The following MLLT10 variants were observed in gnomAD, a reference collection of about 807,000 sequenced individuals.
MLLT10 encodes protein AF-10.
Under a neutral mutation model 129.1 loss-of-function variants are expected in MLLT10, and 30 were observed. The ratio of observed to expected loss-of-function variants is 0.23; its 90% confidence interval spans 0.17 to 0.32. The LOEUF (loss-of-function observed/expected upper bound fraction) is 0.32. Among genes scored for constraint, MLLT10 ranks in the 10% least tolerant of loss-of-function variants. The probability of loss-of-function intolerance (pLI) is 1.00; values close to 1 mark genes in which losing one functional copy is unlikely to be tolerated. For missense variants in MLLT10, 1,119 were observed against 1,268.3 expected, an observed-to-expected ratio of 0.88 and a Z score of 1.79; for synonymous variants, 490 against 446.4, an observed-to-expected ratio of 1.10 and a Z score of -1.23.
At chr10:21,681,247 C>T in intron 11 of MLLT10, 85 bp from the exon 12 acceptor site, 1 of 1,549,402 alleles carries the variant, frequency 6.5e-7, no homozygotes. Flanking sequence ...GTGAATTTCC[C>T]TCCATTTTTC....
chr10:21,728,738 A>G lies in MLLT10; in HGVS notation c.2063+810A>G, dbSNP rs181117053. 5.2e-4 allele frequency among the ~76,000 whole-genome samples: 79 copies of G among 152,264 alleles called. No individual in the cohort carries two copies. The East Asian group carries it at 7.7e-3, about 15-fold the overall frequency. On this transcript the variant is annotated intron_variant, in intron 16 of 22. Coordinates refer to ENST00000307729, the MANE Select transcript of MLLT10 (RefSeq NM_001195626.3). ...AATGGGAGAAACGTGATTAAAAATG[A>G]AAACTTTGGTCAGGCGTGGTGGCTC...
chr10:21,640,667 C>T (rs2047917137), intron 8 of MLLT10, among the ~76,000 whole-genome samples: 1 of 152,122 alleles, frequency 6.6e-6, no homozygotes, highest in South Asian at 2.1e-4. Context: ...CTGACCTTTG[C>T]TTTCTGTCTT....
chr10:21,651,897 TCA>T, intron 9 of MLLT10, 129 bp downstream of exon 9: 4 of 296,922 alleles, frequency 1.3e-5, no homozygotes, highest in East Asian at 6.8e-5. Context: ...CTTAGAATTC[TCA>T]TTTCTTTTTT....
At chr10:21,652,881 G>A (rs568341690) in intron 9 of MLLT10, among the ~76,000 whole-genome samples, 8 of 152,152 alleles carry the variant, frequency 5.3e-5, no homozygotes, top group Admixed American at 1.3e-4. Flanking sequence ...ATCAGATTCT[G>A]AATACATACA....
intron 5 of MLLT10, among the ~76,000 whole-genome samples, chr10:21,608,241 T>C (rs1415881582): frequency 4.5e-4 from 68 of 151,840 alleles, no homozygotes; most frequent in Admixed American, 4.5e-3. Flanking sequence ...CGATAAAGGC[T>C]CAGTGCAGTT....
rs1196690923 is a variant in MLLT10, at chr10:21,670,515, C to G, written c.862C>G (p.Arg288Gly). Residue 288 changes from arginine to glycine, a missense_variant, in exon 10 of 23, where the codon CGA becomes GGA. Around this residue, in one of 5 missense-constraint regions of MLLT10, gnomAD observed 1,004 missense variants for 1,008.7 expected, o/e 1.00. Transcript: ENST00000307729. ...SLKRLEDTTA[R>G]FTNANFQEVS... ...GAAGCGCTTGGAAGATACTACTGCA[C>G]GATTTACAAATGCAAATTTCCAGGA... is the stretch of plus-strand genomic sequence containing the variant. 6.2e-7 allele frequency: 1 copy of G among 1,614,044 alleles called. No individual in the cohort carries two copies. Among genetic ancestry groups the G allele is most frequent in the Non-Finnish European group, 8.5e-7 (1 of 1,179,966 alleles).
Position 21,740,290 on chromosome 10 carries a change from C to T in MLLT10, c.3162+54C>T, listed in dbSNP as rs141742175. On this transcript the variant is annotated intron_variant, in intron 22 of 22. Coordinates refer to ENST00000307729, the MANE Select transcript of MLLT10 (RefSeq NM_001195626.3). ...TGAAACAAGAACTGTATTGATTAAT[C>T]GGAGATGATCATTTTCCAGCCTGGT... 5.8e-5 allele frequency: 89 copies of T among 1,547,236 alleles called. No homozygotes were observed. The African/African-American group carries it at 9.0e-4, about 16-fold the overall frequency.
In MLLT10 at chr10:21,538,906, C is replaced by T; in HGVS notation, c.234C>T (p.Ala78=). ...CRKCESQERA[A]RVRCELCPHK... Reference sequence around the variant, plus strand: ...AATGTGAATCTCAGGAGAGAGCAGCCAGAGTGGTAAGGACTATTTATCAAA... The same window carrying T: ...AATGTGAATCTCAGGAGAGAGCAGCTAGAGTGGTAAGGACTATTTATCAAA... The change falls in exon 3 of 23, where the codon GCC becomes GCT. Residue 78 remains alanine, a synonymous_variant. Coordinates refer to ENST00000307729, the MANE Select transcript of MLLT10 (RefSeq NM_001195626.3). The T allele has an allele frequency of 1.2e-6, 2 of 1,611,434 alleles. No individual in the cohort carries two copies. The highest frequency in any genetic ancestry group is 1.7e-6 in the Non-Finnish European group (2 of 1,177,740).
intron 3 of MLLT10, among the ~76,000 whole-genome samples, chr10:21,584,443 G>C (rs1159951806): frequency 2.6e-5 from 4 of 152,042 alleles, no homozygotes; most frequent in African/African-American, 4.8e-5. Context: ...GATTATAGGC[G>C]TGAGCCACCG....
At chr10:21,651,400 A>G (rs1376674031) in intron 8 of MLLT10, among the ~76,000 whole-genome samples, 4 of 152,140 alleles carry the variant, frequency 2.6e-5, no homozygotes, top group Non-Finnish European at 4.4e-5. Context: ...GAAAAAGTGT[A>G]TATTTTGCTG....
Position 21,551,012 on chromosome 10 carries a change from A to T in MLLT10, c.240+12100A>T, listed in dbSNP as rs12357761. Among the ~76,000 whole-genome samples, 654 of 148,898 alleles carry T rather than the reference A, an allele frequency of 4.4e-3. 4 individuals are homozygous for T. The highest frequency in any genetic ancestry group is 6.7e-3 in the Admixed American group (99 of 14,830). On this transcript the variant is annotated intron_variant, in intron 3 of 22. Transcript: ENST00000307729. ...TAGCTCACTGCAACCTCTGCCTCCC[A>T]GGTTCAAGTGTTCAGGTGATTCTCC...
At chr10:21,630,933 C>T (rs1001552934) in intron 8 of MLLT10, among the ~76,000 whole-genome samples, 9 of 152,154 alleles carry the variant, frequency 5.9e-5, no homozygotes, top group Admixed American at 5.9e-4. Flanking sequence ...CGCTAGCACA[C>T]CCACCCACTC....
At position 21,673,342 on chromosome 10, in the gene MLLT10, A is replaced by G; in HGVS notation, c.1052-8A>G. 1.1e-6 allele frequency: 1 copy of G among 926,608 alleles called. No homozygotes were observed. Among genetic ancestry groups the G allele is most frequent in the Non-Finnish European group, 1.3e-6 (1 of 772,220 alleles). 57.4% of individuals were successfully genotyped at this position (926,608 alleles called of 1,614,324 possible). On this transcript the variant is annotated splice_polypyrimidine_tract_variant and splice_region_variant and intron_variant, in intron 10 of 22. Transcript: ENST00000307729. ...ACTTTTTTTTTTTTTTTTTTTTTTA[A>G]ACTACAGGCAGTTTTTCAGGAACTC... is the stretch of plus-strand genomic sequence containing the variant.
chr10:21,664,241 C>CT (rs1240405921), intron 9 of MLLT10, among the ~76,000 whole-genome samples: 3 of 147,690 alleles, frequency 2.0e-5, no homozygotes, highest in Non-Finnish European at 3.0e-5. Flanking sequence ...TTTATTGATA[C>CT]TTTTTTGATG....
At chr10:21,739,975 A>G (rs978192845) in intron 21 of MLLT10, 55 bp from the exon 22 acceptor site, 21 of 1,398,392 alleles carry the variant, frequency 1.5e-5, no homozygotes, top group Non-Finnish European at 2.1e-5. Flanking sequence ...AGCTCATCTG[A>G]CTGCTGAATT....
intron 13 of MLLT10, chr10:21,688,421 C>A: frequency 1.5e-6 from 2 of 1,316,784 alleles, no homozygotes; most frequent in Non-Finnish European, 2.2e-6. Context: ...AGTTTTTCAA[C>A]TTGTCTGTCA....
intron 3 of MLLT10, among the ~76,000 whole-genome samples, chr10:21,552,242 A>G (rs942588755): frequency 6.6e-6 from 1 of 151,518 alleles, no homozygotes; most frequent in Non-Finnish European, 1.5e-5. Context: ...AATTTCCAAG[A>G]CAAAAATATA....
At chr10:21,652,576 G>A (rs2049151551) in intron 9 of MLLT10, among the ~76,000 whole-genome samples, 2 of 152,174 alleles carry the variant, frequency 1.3e-5, no homozygotes, top group Admixed American at 6.5e-5. Flanking sequence ...GAGGGAGACT[G>A]GGACAGAATA....
intron 13 of MLLT10, among the ~76,000 whole-genome samples, chr10:21,707,264 C>T (rs910315332): frequency 6.7e-6 from 1 of 148,764 alleles, no homozygotes; most frequent in Non-Finnish European, 1.5e-5. Flanking sequence ...GCGATCTCGA[C>T]TCACTGCAAG....
Sources: allele counts gnomAD v4.1 joint callset (sites outside exome capture counted in the v4.1 genomes callset), GRCh38; gene constraint gnomAD v4.1.1; regional missense constraint gnomAD v4.1.1; transcripts MANE v1.5; gene names NCBI Gene and HGNC (gene_info 2026-07-23, HGNC 2026-07-21).